Variants in OGG1 observed in about 807,000 individuals in gnomAD.
OGG1 encodes 8-oxoguanine DNA glycosylase, also known as N-glycosylase/DNA lyase.
OGG1 carries 35 observed loss-of-function variants against 42.3 expected under a neutral mutation model. That is an observed-to-expected ratio of 0.83 (90% CI 0.63 to 1.10). The LOEUF (loss-of-function observed/expected upper bound fraction) is 1.10, where lower values mean the gene tolerates loss of function less well. Among genes scored for constraint, OGG1 ranks in the 50% least tolerant of loss-of-function variants. OGG1 has a pLI of 0.00. For synonymous variants in OGG1, 189 were observed against 179.0 expected (o/e 1.06, Z -0.44); for missense variants, 484 against 446.7 (o/e 1.08, Z -0.75).
downstream of OGG1, chr3:9,759,121 T>C: frequency 3.0e-6 from 4 of 1,329,084 alleles, no homozygotes; most frequent in Non-Finnish European, 4.3e-6. Flanking sequence ...GCTTAGCACT[T>C]GCACTTCCCG....
chr3:9,776,091 C>T (rs2078359529), intron 2 of OGG1, among the ~76,000 whole-genome samples: 1 of 152,200 alleles, frequency 6.6e-6, no homozygotes, highest in African/African-American at 2.4e-5. Flanking sequence ...ATCTGCCATT[C>T]AAACCCTTGC....
chr3:9,750,258 GCTA>G lies in OGG1; in HGVS notation c.-24_-22del. On this transcript the variant is annotated 5_prime_UTR_variant, in exon 1 of 7. Coordinates refer to ENST00000344629, the MANE Select transcript of OGG1 (RefSeq NM_002542.6). ...CGAGGCCTGGTTCTGGGTAGGCGGG[GCTA>G]CTACGGGGCGGTGCCTGCTGTGGAA... The G allele has an allele frequency of 3.1e-6, 5 of 1,599,410 alleles. No individual in the cohort carries two copies. The highest frequency in any genetic ancestry group is 4.3e-6 in the Non-Finnish European group (5 of 1,172,494).
intron 3 of OGG1, chr3:9,785,272 G>A (rs773818152): frequency 5.3e-6 from 8 of 1,505,488 alleles, no homozygotes; most frequent in Non-Finnish European, 7.4e-6. Flanking sequence ...GAAGCCAACA[G>A]AAGCGGGGGC....
chr3:9,781,980 A>T (rs1312152019), intron 3 of OGG1, among the ~76,000 whole-genome samples: 1 of 151,678 alleles, frequency 6.6e-6, no homozygotes, highest in Admixed American at 6.6e-5. Context: ...GACTATAGGC[A>T]TGTGCCACCA....
chr3:9,780,414 G>C, intron 2 of OGG1: 1 of 1,613,654 alleles, frequency 6.2e-7, no homozygotes, highest in South Asian at 1.1e-5. Context: ...TCCAGGCCTG[G>C]TCCTTTTCTT....
downstream of OGG1, among the ~76,000 whole-genome samples, chr3:9,771,053 G>C (rs972319565): frequency 6.7e-6 from 1 of 149,574 alleles, no homozygotes; most frequent in African/African-American, 2.5e-5. Context: ...TTTAAGACAG[G>C]GTCTTGCTCT....
chr3:9,785,143 C>T (rs1466972647), intron 3 of OGG1, among the ~76,000 whole-genome samples: 2 of 152,210 alleles, frequency 1.3e-5, no homozygotes, highest in East Asian at 3.8e-4. Flanking sequence ...AACAACCCTG[C>T]ACTCAGTCTG....
At position 9,750,359 on chromosome 3, in the gene OGG1, T is replaced by C; in HGVS notation, c.73T>C (p.Ser25Pro). 1 of 1,614,028 alleles carries C rather than the reference T, an allele frequency of 6.2e-7. No individual in the cohort carries two copies. The highest frequency in any genetic ancestry group is 1.3e-5 in the African/African-American group (1 of 75,040). ...AGCCTCCACTCCTGCCCTGTGGGCC[T>C]CCATCCCGTGCCCTCGCTCTGAGCT... ...TLASTPALWASIPCPRSELRL... is the reference protein window; with the variant it reads ...TLASTPALWAPIPCPRSELRL... The change falls in exon 1 of 7, where the codon TCC becomes CCC. Residue 25 changes from serine to proline, a missense_variant. Coordinates refer to ENST00000344629, the MANE Select transcript of OGG1 (RefSeq NM_002542.6).
chr3:9,778,471 T>C (rs376661516), intron 2 of OGG1, among the ~76,000 whole-genome samples: 38 of 152,358 alleles, frequency 2.5e-4, no homozygotes, highest in African/African-American at 9.1e-4. Flanking sequence ...AAGAAGCCTT[T>C]GTGGGCTGAT....
Position 9,751,115 on chromosome 3 carries a change from A to T in OGG1, c.308A>T (p.Asp103Val). 6.2e-7 allele frequency: 1 copy of T among 1,614,172 alleles called. No individual in the cohort carries two copies. ...GCCGTGCGCAAGTACTTCCAGCTAG[A>T]TGTTACCCTGGCTCAACTGTATCAC... ...LEAVRKYFQL[D>V]VTLAQLYHHW... Residue 103 changes from aspartate to valine, a missense_variant, in exon 2 of 7, where the codon GAT becomes GTT. Coordinates refer to ENST00000344629, the MANE Select transcript of OGG1 (RefSeq NM_002542.6).
intron 3 of OGG1, among the ~76,000 whole-genome samples, chr3:9,785,828 C>A (rs867912406): frequency 3.3e-5 from 5 of 152,132 alleles, no homozygotes; most frequent in Non-Finnish European, 2.9e-5. Flanking sequence ...CTCTTGCAGG[C>A]GGGTATGGTC....
intron 3 of OGG1, among the ~76,000 whole-genome samples, chr3:9,752,902 T>A (rs2125538051): frequency 6.7e-6 from 1 of 150,058 alleles, no homozygotes; most frequent in East Asian, 2.0e-4. Context: ...AATACGAAAA[T>A]TAGTCAGGCG....
At chr3:9,786,897 C>T in intron 3 of OGG1, 1 of 1,021,062 alleles carries the variant, frequency 9.8e-7, no homozygotes, top group Non-Finnish European at 1.5e-6. Flanking sequence ...TTGCACCAAC[C>T]TATTTTTGCA....
At chr3:9,761,230 G>A (rs2077851914), downstream of OGG1, 1 of 478,830 alleles carries the variant, frequency 2.1e-6, no homozygotes, top group South Asian at 3.5e-5. Context: ...AGCTCCCTGA[G>A]GGCAGGCACT....
At position 9,750,000 on chromosome 3, in the gene OGG1, C is replaced by A; in HGVS notation, c.-287C>A. The A allele has an allele frequency of 2.1e-6, 1 of 485,262 alleles. No homozygotes were observed. The highest frequency in any genetic ancestry group is 2.8e-5 in the South Asian group (1 of 36,320). 30.1% of individuals were successfully genotyped at this position (485,262 alleles called of 1,614,324 possible). ...GAGAACCCAGAAGAACACAGCTGTG[C>A]GCGCCCACAGGCTCTGGGGGCGGGA... On this transcript the variant is annotated 5_prime_UTR_variant, in exon 1 of 7. Transcript: ENST00000344629.
chr3:9,750,327 G>T lies in OGG1; in HGVS notation c.41G>T (p.Arg14Leu), dbSNP rs1313488677. Reference protein sequence around the residue: ...RALLPRRMGHRTLASTPALWA... With the variant: ...RALLPRRMGHLTLASTPALWA... ...CTTCTGCCCAGGCGCATGGGGCATC[G>T]TACTCTAGCCTCCACTCCTGCCCTG... The change falls in exon 1 of 7, where the codon CGT becomes CTT. Residue 14 changes from arginine (R) to leucine (L), a missense_variant. Coordinates refer to ENST00000344629, the MANE Select transcript of OGG1 (RefSeq NM_002542.6). 1 of 1,613,696 alleles carries T rather than the reference G, an allele frequency of 6.2e-7. No individual in the cohort carries two copies. Among genetic ancestry groups the T allele is most frequent in the African/African-American group, 1.3e-5 (1 of 74,926 alleles).
downstream of OGG1, chr3:9,761,788 A>T (rs1316482052): frequency 6.2e-7 from 1 of 1,612,858 alleles, no homozygotes; most frequent in Non-Finnish European, 8.5e-7. Flanking sequence ...AGAAGGGGCA[A>T]TCAGAGATGG....
chr3:9,770,949 G>A (rs2078287591), downstream of OGG1, among the ~76,000 whole-genome samples: 1 of 152,100 alleles, frequency 6.6e-6, no homozygotes, highest in African/African-American at 2.4e-5. Flanking sequence ...GTGATGGGGA[G>A]AGAACAGTGC....
At chr3:9,761,443 T>C (rs1378412397), downstream of OGG1, 2 of 1,602,352 alleles carry the variant, frequency 1.2e-6, no homozygotes, top group African/African-American at 1.3e-5. Context: ...CAGCCTACCA[T>C]GGCCAAGCCC....
Sources: gnomAD v4.1 joint callset for allele counts (sites outside exome capture counted in the v4.1 genomes callset) on GRCh38, gnomAD v4.1.1 for gene constraint, MANE v1.5 for transcripts, NCBI Gene and HGNC (gene_info 2026-07-23, HGNC 2026-07-21) for gene names.